Variants in CPNE8 observed in about 807,000 individuals in gnomAD.
The protein encoded by CPNE8 is copine-8.
A neutral mutation model predicts 81.5 loss-of-function variants in CPNE8; 45 were observed. The ratio of observed to expected loss-of-function variants is 0.55; its 90% confidence interval spans 0.44 to 0.71. CPNE8 has a LOEUF of 0.71. Ranked by LOEUF, CPNE8 falls within the 30% of genes least tolerant of loss-of-function variation. The pLI is 0.00. For missense variants in CPNE8, 594 were observed against 672.1 expected, an observed-to-expected ratio of 0.88 and a Z score of 1.28; for synonymous variants, 252 against 226.3, an observed-to-expected ratio of 1.11 and a Z score of -1.02.
At chr12:38,717,427 G>GTATATA (rs1491219731) in intron 13 of CPNE8, among the ~76,000 whole-genome samples, 777 of 69,598 alleles carry the variant, frequency 0.011, 63 homozygotes, top group East Asian at 0.041. Context: ...AGAAAGTGTG[G>GTATATA]TGTATATATA....
intron 3 of CPNE8, among the ~76,000 whole-genome samples, chr12:38,872,171 G>A (rs370965553): frequency 3.9e-5 from 6 of 151,930 alleles, no homozygotes; most frequent in South Asian, 4.2e-4. Context: ...AGTTAGATAC[G>A]ATAAACATGT....
chr12:38,865,524 TATGATTCTATGTATATAAAAGGCTTAAAA>T (rs1343830436), intron 3 of CPNE8, among the ~76,000 whole-genome samples: 1 of 152,200 alleles, frequency 6.6e-6, no homozygotes, highest in African/African-American at 2.4e-5. Context: ...GTATAAACTA[TATGATTCTATGTATATAAAAGGCTTAAAA>T]ATGGGCAAAA....
chr12:38,883,887 A>G (rs1457343263), intron 1 of CPNE8, among the ~76,000 whole-genome samples: 17 of 152,196 alleles, frequency 1.1e-4, no homozygotes, highest in Non-Finnish European at 2.5e-4. Context: ...AGATAAGTGT[A>G]GAGAATTCTC....
intron 1 of CPNE8, among the ~76,000 whole-genome samples, chr12:38,876,155 A>C (rs184252782): frequency 3.9e-4 from 59 of 152,346 alleles, no homozygotes; most frequent in Admixed American, 3.3e-3. Flanking sequence ...AAAAAAAATA[A>C]ACTACAAGTT....
At chr12:38,817,754 G>A (rs918019459) in intron 6 of CPNE8, among the ~76,000 whole-genome samples, 1 of 150,480 alleles carries the variant, frequency 6.6e-6, no homozygotes, top group African/African-American at 2.4e-5. Context: ...CTCCCGAGTA[G>A]CTGGGACTAC....
At chr12:38,814,854 A>T (rs77445953) in intron 6 of CPNE8, among the ~76,000 whole-genome samples, 1,910 of 152,136 alleles carry the variant, frequency 0.013, 47 homozygotes, top group African/African-American at 0.043. Context: ...CCTCTTAGAA[A>T]CCTCTGTAGG....
intron 10 of CPNE8, among the ~76,000 whole-genome samples, chr12:38,747,853 T>G (rs1231685186): frequency 6.6e-6 from 1 of 152,120 alleles, no homozygotes; most frequent in Non-Finnish European, 1.5e-5. Flanking sequence ...CTATTTACAT[T>G]TTTAATATGG....
chr12:38,758,510 A>G (rs1430672759), intron 10 of CPNE8, among the ~76,000 whole-genome samples: 1 of 152,186 alleles, frequency 6.6e-6, no homozygotes, highest in Non-Finnish European at 1.5e-5. Flanking sequence ...GCTATAAAAA[A>G]GACAGTGCAA....
chr12:38,684,351 A>G (rs1472314322), intron 16 of CPNE8, among the ~76,000 whole-genome samples: 1 of 152,164 alleles, frequency 6.6e-6, no homozygotes, highest in Non-Finnish European at 1.5e-5. Flanking sequence ...AAATAAAGAT[A>G]AAACAGGTAA....
At chr12:38,906,285 G>T, upstream of CPNE8, 3 of 985,526 alleles carry the variant, frequency 3.0e-6, no homozygotes, top group African/African-American at 1.7e-5. Context: ...CTCCAACCTT[G>T]GAACACGGTG....
At chr12:38,786,366 G>A (rs1398379120) in intron 6 of CPNE8, among the ~76,000 whole-genome samples, 1 of 152,166 alleles carries the variant, frequency 6.6e-6, no homozygotes, top group South Asian at 2.1e-4. Context: ...CTTACTCTGG[G>A]TGAGCACAAT....
intron 17 of CPNE8, 29 bp downstream of exon 17, chr12:38,677,423 G>T: frequency 8.3e-7 from 1 of 1,198,784 alleles, no homozygotes; most frequent in Non-Finnish European, 1.2e-6. Context: ...GTCACGTAGC[G>T]AGCCCAATAC....
chr12:38,668,334 T>C (rs1474862678), intron 19 of CPNE8, among the ~76,000 whole-genome samples: 3 of 152,176 alleles, frequency 2.0e-5, no homozygotes, highest in African/African-American at 7.2e-5. Flanking sequence ...ATCATTGGTG[T>C]CCTATCTCAA....
At chr12:38,820,331 G>A (rs1397284588) in intron 6 of CPNE8, among the ~76,000 whole-genome samples, 2 of 151,918 alleles carry the variant, frequency 1.3e-5, no homozygotes, top group Non-Finnish European at 2.9e-5. Context: ...CTTGAACCCG[G>A]GAGGCAGAAG....
chr12:38,779,093 T>C (rs373608627), intron 6 of CPNE8, among the ~76,000 whole-genome samples: 10 of 152,154 alleles, frequency 6.6e-5, no homozygotes, highest in African/African-American at 2.4e-4. Flanking sequence ...GAACTATGAG[T>C]TTAATATATT....
At chr12:38,663,457 A>G (rs1450535898) in intron 19 of CPNE8, among the ~76,000 whole-genome samples, 1 of 152,134 alleles carries the variant, frequency 6.6e-6, no homozygotes, top group Non-Finnish European at 1.5e-5. Flanking sequence ...ACAATGAGAT[A>G]TCATCTCATC....
chr12:38,720,762 C>G (rs866813335), intron 13 of CPNE8: 1 of 152,200 alleles, frequency 6.6e-6, no homozygotes, highest in African/African-American at 2.4e-5. Context: ...CTCCGGGGAG[C>G]GTGTGGGAGC....
chr12:38,769,071 A>G (rs772315101), intron 7 of CPNE8, among the ~76,000 whole-genome samples: 1 of 152,170 alleles, frequency 6.6e-6, no homozygotes, highest in Admixed American at 6.5e-5. Context: ...TTTATCATTC[A>G]TTCATTCACT....
At chr12:38,799,595 G>A (rs1351403074) in intron 6 of CPNE8, among the ~76,000 whole-genome samples, 1 of 152,118 alleles carries the variant, frequency 6.6e-6, no homozygotes, top group Non-Finnish European at 1.5e-5. Flanking sequence ...GAGAAAGCAG[G>A]AAAGATCCAA....
Sources: gnomAD v4.1 joint callset for allele counts (sites outside exome capture counted in the v4.1 genomes callset) on GRCh38, gnomAD v4.1.1 for gene constraint, MANE v1.5 for transcripts, NCBI Gene and HGNC (gene_info 2026-07-23, HGNC 2026-07-21) for gene names.